NFIB: variants seen among roughly 807,000 people sequenced by gnomAD.
NFIB encodes the protein nuclear factor I B.
In NFIB, 11 loss-of-function variants were observed where a neutral mutation model predicts 61.5. The observed-to-expected ratio is 0.18, with a 90% CI of 0.11 to 0.30. The LOEUF is 0.30. NFIB is among the 10% of genes least tolerant of loss of function. The pLI is 1.00. For missense variants in NFIB, 471 were observed against 608.9 expected, an observed-to-expected ratio of 0.77 and a Z score of 2.38; for synonymous variants, 260 against 216.5, an observed-to-expected ratio of 1.20 and a Z score of -1.76.
At chr9:14,519,628 G>C in the NFIB span, among the ~76,000 whole-genome samples, 1 of 152,072 alleles carries the variant, frequency 6.6e-6, no homozygotes, top group African/African-American at 2.4e-5. Flanking sequence ...GGTGCGTTGT[G>C]CTTATGCCCT....
At chr9:14,414,457 C>T in the NFIB span, among the ~76,000 whole-genome samples, 940 of 141,436 alleles carry the variant, frequency 6.6e-3, 14 homozygotes, top group African/African-American at 0.023. Context: ...AAAAAGAAAA[C>T]GTAATTGGAC....
intron 6 of NFIB, among the ~76,000 whole-genome samples, chr9:14,138,651 T>C (rs184726161): frequency 1.6e-3 from 241 of 152,152 alleles, no homozygotes; most frequent in African/African-American, 5.5e-3. Context: ...AACTGGGAGA[T>C]AGTAAATGCA....
rs532330759 is a variant in NFIB, at chr9:14,167,535, C to G, written c.617-11642G>C. Among the ~76,000 whole-genome samples the G allele has an allele frequency of 1.4e-4, 21 of 152,146 alleles. 1 individual carries two copies. Among genetic ancestry groups the G allele is most frequent in the African/African-American group, 4.8e-4 (20 of 41,508 alleles). On this transcript the variant is annotated intron_variant, in intron 3 of 10. Coordinates refer to ENST00000380953, the MANE Select transcript of NFIB (RefSeq NM_001190737.2). ...GCAACAGAGTGAGATGCTGTCTCAA[C>G]AAAACAAAACAAACAAACACATATG...
Position 14,143,765 on chromosome 9 carries a change from T to C in NFIB, c.925+2924A>G, listed in dbSNP as rs183080524. On this transcript the variant is annotated intron_variant, in intron 6 of 10. Transcript: ENST00000380953. ...CAACTCCCTCCATCACAGGGAAGTG[T>C]GTCTAAAGAACATTAGAAGATGGAC... Among the ~76,000 whole-genome samples the C allele has an allele frequency of 7.7e-4, 117 of 152,304 alleles. No individual in the cohort carries two copies. In the Middle Eastern group the frequency reaches 0.017, roughly 22 times the overall value.
chr9:14,253,548 A>G (rs1410725359), intron 2 of NFIB, among the ~76,000 whole-genome samples: 1 of 152,190 alleles, frequency 6.6e-6, no homozygotes, highest in Non-Finnish European at 1.5e-5. Flanking sequence ...AAAATGTTTT[A>G]GCCTAGCACA....
intron 5 of NFIB, among the ~76,000 whole-genome samples, chr9:14,149,490 C>G (rs894507866): frequency 2.6e-5 from 4 of 151,984 alleles, no homozygotes; most frequent in Non-Finnish European, 2.9e-5. Flanking sequence ...TTTATTCACC[C>G]TGACTGGCAA....
chr9:14,439,634 C>T, the NFIB span, among the ~76,000 whole-genome samples: 1 of 152,104 alleles, frequency 6.6e-6, no homozygotes, highest in South Asian at 2.1e-4. Flanking sequence ...CTGGCACATG[C>T]TGAGCCCCAG....
chr9:14,453,518 G>C, the NFIB span, among the ~76,000 whole-genome samples: 4 of 152,322 alleles, frequency 2.6e-5, no homozygotes, highest in East Asian at 7.7e-4. Flanking sequence ...TGTCAACAGA[G>C]ACATATGGTA....
chr9:14,326,691 G>C (rs1168340707), intron 1 of NFIB, among the ~76,000 whole-genome samples: 1 of 85,500 alleles, frequency 1.2e-5, no homozygotes, highest in Non-Finnish European at 2.3e-5. Flanking sequence ...GGTTAAAGTG[G>C]TTTACAGAAA....
the NFIB span, among the ~76,000 whole-genome samples, chr9:14,497,453 G>A: frequency 2.0e-5 from 3 of 152,114 alleles, no homozygotes; most frequent in Admixed American, 2.0e-4. Context: ...GCTTAATTAT[G>A]GTTCATTTTG....
chr9:14,304,336 C>T (rs941482980), intron 2 of NFIB, among the ~76,000 whole-genome samples: 1 of 152,182 alleles, frequency 6.6e-6, no homozygotes, highest in Non-Finnish European at 1.5e-5. Flanking sequence ...GTCTTTATTT[C>T]GTCTTCCAGA....
At chr9:14,467,106 G>C in the NFIB span, among the ~76,000 whole-genome samples, 1 of 152,134 alleles carries the variant, frequency 6.6e-6, no homozygotes, top group East Asian at 1.9e-4. Flanking sequence ...GTTTCCCTTC[G>C]AGGTGTTGGG....
At chr9:14,314,312 C>G (rs1186580039), upstream of NFIB, 2 of 252,424 alleles carry the variant, frequency 7.9e-6, no homozygotes, top group African/African-American at 4.6e-5. Context: ...CGCGCCGGGT[C>G]TTCGGCGCCC....
chr9:14,108,017 C>T (rs1268991528), intron 10 of NFIB, among the ~76,000 whole-genome samples: 5 of 152,044 alleles, frequency 3.3e-5, no homozygotes, highest in Non-Finnish European at 1.5e-5. Context: ...AAAAGACAGA[C>T]AATGGAAGGA....
chr9:14,495,716 G>A, the NFIB span, among the ~76,000 whole-genome samples: 1 of 152,066 alleles, frequency 6.6e-6, no homozygotes, highest in African/African-American at 2.4e-5. Flanking sequence ...ACAGATGGGA[G>A]ACAATAGAAG....
chr9:14,174,194 T>C (rs1459582330), intron 3 of NFIB, among the ~76,000 whole-genome samples: 2 of 152,172 alleles, frequency 1.3e-5, no homozygotes, highest in East Asian at 3.9e-4. Context: ...AGTCCTTTGA[T>C]TTTAGCACTG....
chr9:14,303,700 G>A (rs2059875674), intron 2 of NFIB, among the ~76,000 whole-genome samples: 1 of 152,164 alleles, frequency 6.6e-6, no homozygotes, highest in Non-Finnish European at 1.5e-5. Context: ...GACAAAGAGG[G>A]TCTGATGCCA....
At chr9:14,405,908 C>A in the NFIB span, among the ~76,000 whole-genome samples, 28 of 152,288 alleles carry the variant, frequency 1.8e-4, no homozygotes, top group Non-Finnish European at 3.2e-4. Context: ...CTTGGATATG[C>A]TTTCTAGCAC....
chr9:14,234,365 T>C (rs2053521137), intron 2 of NFIB, among the ~76,000 whole-genome samples: 1 of 134,566 alleles, frequency 7.4e-6, no homozygotes, highest in African/African-American at 3.2e-5. Context: ...AGGTATATTA[T>C]CATTACTCTT....
Sources: allele counts gnomAD v4.1 joint callset (sites outside exome capture counted in the v4.1 genomes callset), GRCh38; gene constraint gnomAD v4.1.1; transcripts MANE v1.5; gene names NCBI Gene and HGNC (gene_info 2026-07-23, HGNC 2026-07-21).